Variants in SSR1 observed in about 807,000 individuals in gnomAD.
The protein encoded by SSR1 is translocon-associated protein subunit alpha.
Under a neutral mutation model 36.1 loss-of-function variants are expected in SSR1, and 13 were observed. The ratio of observed to expected loss-of-function variants is 0.36; its 90% CI spans 0.23 to 0.57. The LOEUF is 0.57. Ranked by LOEUF, SSR1 falls within the 20% of genes least tolerant of loss-of-function variation. The pLI is 0.81. For synonymous variants in SSR1, 113 were observed against 118.9 expected (o/e 0.95, Z 0.32); for missense variants, 291 against 338.5 (o/e 0.86, Z 1.10).
rs552710830 is a variant in SSR1, at chr6:7,310,013, T to C, written c.96A>G (p.Ala32=). Residue 32 remains alanine (A), a synonymous_variant, in exon 2 of 8, where the codon GCA becomes GCG. Coordinates refer to ENST00000244763, the MANE Select transcript of SSR1 (RefSeq NM_003144.5). ...RGGPRGLLAV[A]QDLTEDEETV... Reference sequence around the variant, plus strand: ...TTTCTTCATCCTCTGTAAGATCTTGTGCCACTGCTAACAAGCCTAATGATA... The same window carrying C: ...TTTCTTCATCCTCTGTAAGATCTTGCGCCACTGCTAACAAGCCTAATGATA... The C allele has an allele frequency of 1.5e-5, 24 of 1,613,182 alleles. No individual in the cohort carries two copies. In the African/African-American group the frequency reaches 2.7e-4, roughly 18 times the overall value.
intron 2 of SSR1, among the ~76,000 whole-genome samples, chr6:7,306,783 G>A (rs905627030): frequency 6.6e-6 from 1 of 151,862 alleles, no homozygotes; most frequent in African/African-American, 2.4e-5. Flanking sequence ...GGGTGTGGTG[G>A]CGGGCGCCTA....
intron 6 of SSR1, 109 bp from the exon 7 acceptor site, chr6:7,295,594 C>T: frequency 1.4e-6 from 1 of 733,012 alleles, no homozygotes; most frequent in South Asian, 2.2e-5. Context: ...GCCTGGAACT[C>T]CTGGGCTCAA....
chr6:7,311,756 C>A (rs1758198820), intron 1 of SSR1, among the ~76,000 whole-genome samples: 1 of 151,940 alleles, frequency 6.6e-6, no homozygotes, highest in African/African-American at 2.4e-5. Context: ...ACTGGAAAAA[C>A]CAAACACAAA....
At chr6:7,309,858 A>G (rs1298416064) in intron 2 of SSR1, 59 bp downstream of exon 2, 4 of 1,325,054 alleles carry the variant, frequency 3.0e-6, no homozygotes, top group Non-Finnish European at 3.3e-6. Context: ...TAGCAGCATG[A>G]GAACAGATGA....
Position 7,286,311 on chromosome 6 carries a change from A to G in SSR1, c.*3553T>C, listed in dbSNP as rs942670574. The G allele has an allele frequency of 1.3e-5, 2 of 152,222 alleles. No individual in the cohort carries two copies. The highest frequency in any genetic ancestry group is 4.8e-5 in the African/African-American group (2 of 41,460). The allele number at this position is 152,222 out of a possible 1,614,324, so 9.4% of individuals were successfully genotyped here. On this transcript the variant is annotated 3_prime_UTR_variant, in exon 8 of 8. Transcript: ENST00000244763. ...AACATAAAAGCCCAGGTTTTTGTATAAATGAAAAGGGATAAAAATTCATAC... is the reference window on the plus strand; with the variant it reads ...AACATAAAAGCCCAGGTTTTTGTATGAATGAAAAGGGATAAAAATTCATAC...
rs2113266123 is a variant in SSR1, at chr6:7,287,391, T to C, written c.*2473A>G. ...AAGGTACTTGAAGTTAAAAACCTTA[T>C]TACTATCAAGTGAAGCTTCTTTTCT... is the stretch of plus-strand genomic sequence containing the variant. On this transcript the variant is annotated 3_prime_UTR_variant, in exon 8 of 8. Coordinates refer to ENST00000244763, the MANE Select transcript of SSR1 (RefSeq NM_003144.5). 6.6e-6 allele frequency: 1 copy of C among 152,336 alleles called. No individual in the cohort carries two copies. 9.4% of individuals were successfully genotyped at this position (152,336 alleles called of 1,614,324 possible).
chr6:7,297,187 C>A, intron 6 of SSR1: 1 of 204,054 alleles, frequency 4.9e-6, no homozygotes. Flanking sequence ...CCACTGCACT[C>A]CATCCTGGAT....
chr6:7,312,683 G>A (rs1490730585), intron 1 of SSR1, among the ~76,000 whole-genome samples: 1 of 152,226 alleles, frequency 6.6e-6, no homozygotes, highest in Non-Finnish European at 1.5e-5. Flanking sequence ...GCTGCGGCGC[G>A]CTCGGAGCGC....
chr6:7,310,018 CTG>C lies in SSR1; in HGVS notation c.89_90del (p.Ala30GlyfsTer9). The C allele has an allele frequency of 1.2e-6, 2 of 1,611,854 alleles. No individual in the cohort carries two copies. The highest frequency in any genetic ancestry group is 2.2e-5 in the South Asian group (2 of 91,038). ...TCATCCTCTGTAAGATCTTGTGCCA[CTG>C]CTAACAAGCCTAATGATAAAATACA... ...LFRGGPRGLL[A>X]VAQDLTEDEE... On this transcript the variant is annotated frameshift_variant, in exon 2 of 8. Transcript: ENST00000244763. LOFTEE classifies it high-confidence loss of function.
At chr6:7,294,083 A>C (rs1306185518) in intron 7 of SSR1, among the ~76,000 whole-genome samples, 1 of 152,158 alleles carries the variant, frequency 6.6e-6, no homozygotes, top group African/African-American at 2.4e-5. Flanking sequence ...TTATCCTATA[A>C]ATTTATATAT....
chr6:7,296,918 A>G (rs188099415), intron 6 of SSR1: 1 of 154,060 alleles, frequency 6.5e-6, no homozygotes, highest in African/African-American at 2.4e-5. Flanking sequence ...GATTGTTTCT[A>G]TAATTAAGAG....
At chr6:7,290,987 C>T (rs577057699) in intron 7 of SSR1, among the ~76,000 whole-genome samples, 18 of 152,174 alleles carry the variant, frequency 1.2e-4, no homozygotes, top group Admixed American at 2.0e-4. Flanking sequence ...TGGGTTTAAG[C>T]GATTTTCGTG....
At chr6:7,297,871 G>A (rs1757837224) in intron 6 of SSR1, 52 bp downstream of exon 6, 11 of 1,434,378 alleles carry the variant, frequency 7.7e-6, no homozygotes, top group East Asian at 2.3e-5. Context: ...GCTTAACTTA[G>A]TACTTAACAA....
chr6:7,295,310 G>T (rs1333356326), intron 7 of SSR1, 82 bp downstream of exon 7: 7 of 1,160,034 alleles, frequency 6.0e-6, no homozygotes, highest in African/African-American at 1.6e-5. Flanking sequence ...TACTGAAAAA[G>T]TTTTTTTTTT....
At position 7,294,979 on chromosome 6, in the gene SSR1, G is replaced by T. The variant is rs1311181127; in HGVS notation, c.793+413C>A. 14 of 959,040 alleles carry T rather than the reference G, an allele frequency of 1.5e-5. No homozygotes were observed. The South Asian group carries it at 1.9e-4, about 13-fold the overall frequency. 59.4% of individuals were successfully genotyped at this position (959,040 alleles called of 1,614,324 possible). ...TGGGTAGTTTTTCTAATAAAATGTA[G>T]TAAGAAAAATTGTTCCATTACTCAT... On this transcript the variant is annotated intron_variant, in intron 7 of 7. Transcript: ENST00000244763.
rs1212471449 is a variant in SSR1 at position 7,284,350 on chromosome 6, T to G, written c.*5514A>C. On this transcript the variant is annotated 3_prime_UTR_variant, in exon 8 of 8. Coordinates refer to ENST00000244763, the MANE Select transcript of SSR1 (RefSeq NM_003144.5). ...TTATTACTCTGGCTCATCATTAAAATCCAGTGCTAGCCATATTACATGCCC... is the reference window on the plus strand; with the variant it reads ...TTATTACTCTGGCTCATCATTAAAAGCCAGTGCTAGCCATATTACATGCCC... 1.3e-5 allele frequency: 2 copies of G among 152,198 alleles called. No individual in the cohort carries two copies. The highest frequency in any genetic ancestry group is 2.9e-5 in the Non-Finnish European group (2 of 68,040). 9.4% of individuals were successfully genotyped at this position (152,198 alleles called of 1,614,324 possible). A position where few individuals can be genotyped will look rare whatever the true frequency, so the allele number is the denominator to read the frequency against.
At chr6:7,309,646 A>C (rs893156800) in intron 2 of SSR1, among the ~76,000 whole-genome samples, 7 of 152,184 alleles carry the variant, frequency 4.6e-5, no homozygotes, top group Non-Finnish European at 1.0e-4. Flanking sequence ...GTGAGTTCTC[A>C]CAAGATCTGA....
At chr6:7,301,771 G>A (rs1267213929) in intron 3 of SSR1, among the ~76,000 whole-genome samples, 199 bp from the exon 4 acceptor site, 5 of 152,114 alleles carry the variant, frequency 3.3e-5, no homozygotes, top group African/African-American at 7.2e-5. Flanking sequence ...TTGTCTGTAC[G>A]CTAGCACTCC....
chr6:7,296,460 G>C (rs1257894732), intron 6 of SSR1, among the ~76,000 whole-genome samples: 1 of 152,194 alleles, frequency 6.6e-6, no homozygotes, highest in Non-Finnish European at 1.5e-5. Flanking sequence ...TAAAGAGAAA[G>C]AGCTTATTAA....
Sources: allele counts gnomAD v4.1 joint callset (sites outside exome capture counted in the v4.1 genomes callset), GRCh38; gene constraint gnomAD v4.1.1; transcripts MANE v1.5; gene names NCBI Gene and HGNC (gene_info 2026-07-23, HGNC 2026-07-21).